Variants in PBRM1 observed in about 807,000 individuals in gnomAD.
The protein encoded by PBRM1 is protein polybromo-1.
PBRM1 carries 27 observed loss-of-function variants against 194.5 expected under a neutral mutation model. That is an observed-to-expected ratio of 0.14 (90% CI 0.10 to 0.19). The LOEUF is 0.19. PBRM1 is among the 10% of genes least tolerant of loss of function. The pLI is 1.00. For synonymous variants in PBRM1, 655 were observed against 693.2 expected (o/e 0.94, Z 0.87); for missense variants, 1,466 against 2,077.2 (o/e 0.71, Z 5.72).
At chr3:52,665,628 G>C (rs1019984321) in intron 3 of PBRM1, among the ~76,000 whole-genome samples, 1 of 152,196 alleles carries the variant, frequency 6.6e-6, no homozygotes, top group Non-Finnish European at 1.5e-5. Context: ...GATTCTCATA[G>C]GAGTGTGAAC....
chr3:52,677,493 A>C (rs2097132174), intron 2 of PBRM1, among the ~76,000 whole-genome samples: 1 of 145,898 alleles, frequency 6.9e-6, no homozygotes, highest in Admixed American at 6.9e-5. Flanking sequence ...GCTCACTGCA[A>C]CCTCCACCTC....
intron 10 of PBRM1, among the ~76,000 whole-genome samples, chr3:52,636,858 T>A (rs1013813790): frequency 2.9e-5 from 4 of 137,464 alleles, no homozygotes; most frequent in Non-Finnish European, 4.6e-5. Flanking sequence ...GACTCCGCCT[T>A]AAAAAAAAAA....
chr3:52,667,456 T>C (rs1298798085), intron 3 of PBRM1, among the ~76,000 whole-genome samples: 1 of 152,018 alleles, frequency 6.6e-6, no homozygotes, highest in African/African-American at 2.4e-5. Context: ...TCCACAATAA[T>C]TAAAAAATTT....
intron 5 of PBRM1, among the ~76,000 whole-genome samples, chr3:52,654,633 TG>T (rs1482335444): frequency 6.6e-6 from 1 of 152,050 alleles, no homozygotes; most frequent in Non-Finnish European, 1.5e-5. Flanking sequence ...GAAGGGGGAA[TG>T]GGGGGAACTA....
chr3:52,680,440 A>T (rs548097094), upstream of PBRM1, among the ~76,000 whole-genome samples: 3 of 152,312 alleles, frequency 2.0e-5, no homozygotes, highest in Admixed American at 2.0e-4. Context: ...AATTCAAACT[A>T]ATCACCTTTT....
intron 9 of PBRM1, 119 bp from the exon 11 acceptor site, chr3:52,642,164 T>C (rs2096117897): frequency 3.0e-6 from 2 of 671,896 alleles, no homozygotes; most frequent in Admixed American, 2.5e-5. Flanking sequence ...TTCTATTCAA[T>C]TGCCTCCTTA....
intron 20 of PBRM1, among the ~76,000 whole-genome samples, chr3:52,584,618 G>A (rs1056939101): frequency 6.6e-6 from 1 of 151,642 alleles, no homozygotes; most frequent in African/African-American, 2.4e-5. Context: ...ACCATGCCTG[G>A]CTAATTTTTG....
upstream of PBRM1, among the ~76,000 whole-genome samples, chr3:52,680,010 T>C (rs779163359): frequency 5.9e-5 from 9 of 152,174 alleles, no homozygotes; most frequent in East Asian, 1.9e-4. Context: ...GGCTCCAAAT[T>C]TGGCCTAGAG....
At chr3:52,548,845 G>C (rs1023313709) in intron 29 of PBRM1, among the ~76,000 whole-genome samples, 1 of 152,112 alleles carries the variant, frequency 6.6e-6, no homozygotes, top group Non-Finnish European at 1.5e-5. Context: ...CTAAAGAAAT[G>C]AAATGAGATG....
At chr3:52,615,028 C>T (rs1219268604) in intron 15 of PBRM1, among the ~76,000 whole-genome samples, 2 of 151,464 alleles carry the variant, frequency 1.3e-5, no homozygotes. Flanking sequence ...ACATACATAC[C>T]AAGGAAAAAA....
intron 15 of PBRM1, among the ~76,000 whole-genome samples, chr3:52,611,740 G>A (rs776414414): frequency 2.6e-5 from 4 of 152,064 alleles, no homozygotes; most frequent in Non-Finnish European, 5.9e-5. Context: ...GGAGGTGGAG[G>A]TGGCAATGAG....
At chr3:52,577,815 A>G (rs938554769) in intron 21 of PBRM1, among the ~76,000 whole-genome samples, 1 of 152,164 alleles carries the variant, frequency 6.6e-6, no homozygotes, top group Non-Finnish European at 1.5e-5. Flanking sequence ...GACTTTTTAC[A>G]GTCTATTCTC....
intron 17 of PBRM1, among the ~76,000 whole-genome samples, chr3:52,596,766 G>T (rs974181294): frequency 6.6e-6 from 1 of 151,926 alleles, no homozygotes; most frequent in Non-Finnish European, 1.5e-5. Context: ...TCAAGTGGAG[G>T]AAGATGACTT....
intron 11 of PBRM1, among the ~76,000 whole-genome samples, chr3:52,634,055 A>C (rs2095711159): frequency 6.6e-6 from 1 of 152,210 alleles, no homozygotes; most frequent in Non-Finnish European, 1.5e-5. Context: ...CTATAGATAC[A>C]TAACTTAAAT....
intron 10 of PBRM1, among the ~76,000 whole-genome samples, chr3:52,636,680 C>T (rs1365280193): frequency 7.2e-6 from 1 of 138,792 alleles, no homozygotes; most frequent in Non-Finnish European, 1.5e-5. Flanking sequence ...TCACTTGAAA[C>T]CAGAAGGCGG....
chr3:52,668,418 C>T (rs1030680306), intron 3 of PBRM1, 80 bp downstream of exon 4: 5 of 1,013,092 alleles, frequency 4.9e-6, no homozygotes, highest in Non-Finnish European at 7.2e-6. Flanking sequence ...ACTCACCTGC[C>T]AGGTTTATAA....
intron 11 of PBRM1, among the ~76,000 whole-genome samples, chr3:52,634,306 G>A (rs2095718223): frequency 6.6e-6 from 1 of 151,722 alleles, no homozygotes; most frequent in South Asian, 2.1e-4. Context: ...GTGTGGTGGT[G>A]CGCACCTGTA....
chr3:52,679,485 G>A, intron 1 of PBRM1, 89 bp downstream of exon 2: 1 of 1,176,426 alleles, frequency 8.5e-7, no homozygotes, highest in Non-Finnish European at 1.2e-6. Flanking sequence ...AAGTGGAGAT[G>A]CCTTGCATCG....
upstream of PBRM1, chr3:52,685,875 C>A: frequency 3.7e-6 from 2 of 546,060 alleles, no homozygotes; most frequent in South Asian, 4.3e-5. Context: ...CACCCGCCGC[C>A]CTCACCTCCC....
Sources: allele counts gnomAD v4.1 joint callset (sites outside exome capture counted in the v4.1 genomes callset), GRCh38; gene constraint gnomAD v4.1.1; transcripts MANE v1.5; gene names NCBI Gene and HGNC (gene_info 2026-07-23, HGNC 2026-07-21).